The following ADIPOQ variants were observed in gnomAD, a reference collection of about 807,000 sequenced individuals.
ADIPOQ encodes the protein adiponectin, C1Q and collagen domain containing, also known as adiponectin.
ADIPOQ carries 19 observed loss-of-function variants against 16.1 expected under a neutral mutation model. The ratio of observed to expected loss-of-function variants is 1.18; its 90% CI spans 0.82 to 1.73. The LOEUF is 1.73. ADIPOQ is among the 40% of genes most tolerant of loss of function. ADIPOQ has a pLI of 0.00. For synonymous variants in ADIPOQ, 124 were observed against 125.5 expected, an observed-to-expected ratio of 0.99 and a Z score of 0.08; for missense variants, 323 against 308.3, an observed-to-expected ratio of 1.05 and a Z score of -0.36.
chr3:186,852,844 T>C (rs753130591), intron 1 of ADIPOQ: 4 of 583,750 alleles, frequency 6.9e-6, no homozygotes, highest in South Asian at 6.3e-5. Flanking sequence ...ACACAGGGAA[T>C]AATGCTAAGT....
At position 186,854,189 on chromosome 3, in the gene ADIPOQ, A is replaced by C. The variant is rs761276215; in HGVS notation, c.220A>C (p.Ile74Leu). The change falls in exon 3 of 3, where the codon ATT (isoleucine) becomes CTT (leucine). Residue 74 changes from isoleucine (I) to leucine (L), a missense_variant. Physicochemically the swap from Ile to Leu is conservative, Grantham distance 5. Coordinates refer to ENST00000320741, the MANE Select transcript of ADIPOQ (RefSeq NM_004797.4). Reference sequence around the variant, plus strand: ...GAGGTCTTCTCATTCCTTAGGTCTTATTGGTCCTAAGGGAGACATCGGTGA... The same window carrying C: ...GAGGTCTTCTCATTCCTTAGGTCTTCTTGGTCCTAAGGGAGACATCGGTGA... ...EKGEKGDPGL[I>L]GPKGDIGETG... 1 of 1,612,826 alleles carries C rather than the reference A, an allele frequency of 6.2e-7. No individual in the cohort carries two copies. Among genetic ancestry groups the C allele is most frequent in the Non-Finnish European group, 8.5e-7 (1 of 1,179,268 alleles).
rs368546659 is a variant in ADIPOQ, at chr3:186,854,485, G to A, written c.516G>A (p.Lys172=). The A allele has an allele frequency of 3.7e-6, 6 of 1,614,066 alleles. No homozygotes were observed. The African/African-American group carries it at 5.3e-5, about 14-fold the overall frequency. The change falls in exon 3 of 3, where the codon AAG becomes AAA. Residue 172 remains lysine, a synonymous_variant. Coordinates refer to ENST00000320741, the MANE Select transcript of ADIPOQ (RefSeq NM_004797.4). ...TCACAGTCTATATGAAGGATGTGAA[G>A]GTCAGCCTCTTCAAGAAGGACAAGG... The part of the protein sequence containing the change: ...YHITVYMKDV[K]VSLFKKDKAM...
At position 186,854,525 on chromosome 3, in the gene ADIPOQ, T is replaced by A. The variant is rs1207311917; in HGVS notation, c.556T>A (p.Tyr186Asn). ...FKKDKAMLFT[Y>N]DQYQENNVDQ... is the part of the protein sequence containing the mutation. ...GAAGGACAAGGCTATGCTCTTCACC[T>A]ATGATCAGTACCAGGAAAATAATGT... The change falls in exon 3 of 3, where the codon TAT becomes AAT. Residue 186 changes from tyrosine to asparagine, a missense_variant. Coordinates refer to ENST00000320741, the MANE Select transcript of ADIPOQ (RefSeq NM_004797.4). 1 of 1,614,126 alleles carries A rather than the reference T, an allele frequency of 6.2e-7. No homozygotes were observed. Among genetic ancestry groups the A allele is most frequent in the African/African-American group, 1.3e-5 (1 of 74,940 alleles).
rs1427406980 is a variant in ADIPOQ, at chr3:186,856,510, G to C, written c.*1806G>C. 2 of 152,144 alleles carry C rather than the reference G, an allele frequency of 1.3e-5. No homozygotes were observed. Among genetic ancestry groups the C allele is most frequent in the African/African-American group, 2.4e-5 (1 of 41,408 alleles). The allele number at this position is 152,144 out of a possible 1,614,324, so 9.4% of individuals were successfully genotyped here. ...CTCTGTTGCCAGGCTAGAGTGCAGT[G>C]GCATGATCTCGGCTTACTGCAACCT... On this transcript the variant is annotated 3_prime_UTR_variant, in exon 3 of 3. Coordinates refer to ENST00000320741, the MANE Select transcript of ADIPOQ (RefSeq NM_004797.4).
intron 1 of ADIPOQ, among the ~76,000 whole-genome samples, chr3:186,847,372 A>G (rs1711605564): frequency 6.6e-6 from 1 of 152,258 alleles, no homozygotes; most frequent in Non-Finnish European, 1.5e-5. Flanking sequence ...TTTAATTTTA[A>G]TACAGATAAA....
chr3:186,850,868 A>G (rs1407296456), intron 1 of ADIPOQ, among the ~76,000 whole-genome samples: 4 of 151,954 alleles, frequency 2.6e-5, no homozygotes, highest in Admixed American at 1.3e-4. Context: ...GTCATGTCCA[A>G]AGAACTATAT....
At chr3:186,853,011 T>C in intron 1 of ADIPOQ, 40 bp from the exon 2 acceptor site, 1 of 1,607,596 alleles carries the variant, frequency 6.2e-7, no homozygotes, top group Non-Finnish European at 8.5e-7. Context: ...GTGTGTGGGG[T>C]CTGTCTCTCC....
At position 186,854,173 on chromosome 3, in the gene ADIPOQ, T is replaced by C; in HGVS notation, c.215-11T>C. 1.2e-6 allele frequency: 2 copies of C among 1,611,712 alleles called. No individual in the cohort carries two copies. The highest frequency in any genetic ancestry group is 1.7e-6 in the Non-Finnish European group (2 of 1,178,654). ...GTTCTTTGTAGTCACTGAGGTCTTC[T>C]CATTCCTTAGGTCTTATTGGTCCTA... On this transcript the variant is annotated splice_polypyrimidine_tract_variant and intron_variant, in intron 2 of 2. Coordinates refer to ENST00000320741, the MANE Select transcript of ADIPOQ (RefSeq NM_004797.4).
At chr3:186,845,178 G>A (rs1711549963) in intron 1 of ADIPOQ, among the ~76,000 whole-genome samples, 1 of 151,766 alleles carries the variant, frequency 6.6e-6, no homozygotes, top group African/African-American at 2.4e-5. Flanking sequence ...ATAGGTGGAG[G>A]TGTGTGTATG....
intron 1 of ADIPOQ, 73 bp from the exon 2 acceptor site, chr3:186,852,978 C>T: frequency 6.5e-7 from 1 of 1,527,610 alleles, no homozygotes. Context: ...GGACGGAGTC[C>T]TTTGTAGGTC....
At position 186,850,978 on chromosome 3, in the gene ADIPOQ, TG is replaced by T. The variant is rs542711039; in HGVS notation, c.-8-2071del. On this transcript the variant is annotated intron_variant, in intron 1 of 2. Coordinates refer to ENST00000320741, the MANE Select transcript of ADIPOQ (RefSeq NM_004797.4). ...TATATGATAAAGATGAAAGATGAGT[TG>T]GATGTGCCACGTGAAGAGGGTAGTA... Among the ~76,000 whole-genome samples, 669 of 152,166 alleles carry T rather than the reference TG, an allele frequency of 4.4e-3. 2 individuals are homozygous for T. Among genetic ancestry groups the T allele is most frequent in the African/African-American group, 0.016 (648 of 41,532 alleles).
In ADIPOQ at chr3:186,854,372, ATCT is replaced by A. The variant is rs756771535; in HGVS notation, c.407_409del (p.Phe136del). On this transcript the variant is annotated inframe_deletion, in exon 3 of 3. Transcript: ENST00000320741. ...CAACATGCCCATTCGCTTTACCAAG[ATCT>A]TCTACAATCAGCAAAACCACTATGA... 1.2e-5 allele frequency: 20 copies of A among 1,614,060 alleles called. No individual in the cohort carries two copies. The South Asian group carries it at 1.4e-4, about 12-fold the overall frequency.
chr3:186,854,225 C>G lies in ADIPOQ; in HGVS notation c.256C>G (p.Pro86Ala), dbSNP rs371274243. Residue 86 changes from proline to alanine, a missense_variant, in exon 3 of 3, where the codon CCC (proline) becomes GCC (alanine). Coordinates refer to ENST00000320741, the MANE Select transcript of ADIPOQ (RefSeq NM_004797.4). ...PKGDIGETGVPGAEGPRGFPG... is the reference protein window; with the variant it reads ...PKGDIGETGVAGAEGPRGFPG... The stretch of plus-strand genomic sequence containing the variant: ...GGGAGACATCGGTGAAACCGGAGTA[C>G]CCGGGGCTGAAGGTCCCCGAGGCTT... 5.0e-6 allele frequency: 8 copies of G among 1,613,436 alleles called. No individual in the cohort carries two copies. The African/African-American group carries it at 8.0e-5, about 16-fold the overall frequency.
chr3:186,845,189 G>C (rs1410467784), intron 1 of ADIPOQ, among the ~76,000 whole-genome samples: 1 of 151,684 alleles, frequency 6.6e-6, no homozygotes, highest in South Asian at 2.1e-4. Context: ...TGTGTGTATG[G>C]GTGCGGGTAT....
rs201912491 is a variant in ADIPOQ at position 186,854,242 on chromosome 3, C to G, written c.273C>G (p.Pro91=). 3 of 1,613,454 alleles carry G rather than the reference C, an allele frequency of 1.9e-6. No homozygotes were observed. Among genetic ancestry groups the G allele is most frequent in the African/African-American group, 1.3e-5 (1 of 74,892 alleles). Residue 91 remains proline (P), a synonymous_variant, in exon 3 of 3, where the codon CCC becomes CCG. Coordinates refer to ENST00000320741, the MANE Select transcript of ADIPOQ (RefSeq NM_004797.4). ...GETGVPGAEG[P]RGFPGIQGRK... is the part of the protein sequence containing the mutation. Reference sequence around the variant, plus strand: ...CCGGAGTACCCGGGGCTGAAGGTCCCCGAGGCTTTCCGGGAATCCAAGGCA... The same window carrying G: ...CCGGAGTACCCGGGGCTGAAGGTCCGCGAGGCTTTCCGGGAATCCAAGGCA...
chr3:186,845,248 G>A (rs1031681466), intron 1 of ADIPOQ, among the ~76,000 whole-genome samples: 1 of 152,140 alleles, frequency 6.6e-6, no homozygotes, highest in African/African-American at 2.4e-5. Flanking sequence ...AGGGCTGAGT[G>A]AAGGCTTTCG....
intron 1 of ADIPOQ, among the ~76,000 whole-genome samples, chr3:186,843,426 G>A (rs1321017721): frequency 6.6e-6 from 1 of 152,150 alleles, no homozygotes. Context: ...TTGGGAGACC[G>A]AGGCGGGTGG....
intron 1 of ADIPOQ, among the ~76,000 whole-genome samples, chr3:186,843,231 A>C (rs1381423682): frequency 1.3e-5 from 2 of 152,228 alleles, no homozygotes; most frequent in Non-Finnish European, 2.9e-5. Context: ...TATTCTACTC[A>C]GCAAATATTT....
At chr3:186,844,548 C>A (rs1213701958) in intron 1 of ADIPOQ, among the ~76,000 whole-genome samples, 1 of 150,264 alleles carries the variant, frequency 6.7e-6, no homozygotes, top group Non-Finnish European at 1.5e-5. Context: ...AAGACTGGCT[C>A]CTTGTCTTTT....
Sources: gnomAD v4.1 joint callset for allele counts (sites outside exome capture counted in the v4.1 genomes callset) on GRCh38, gnomAD v4.1.1 for gene constraint, MANE v1.5 for transcripts, NCBI Gene and HGNC (gene_info 2026-07-23, HGNC 2026-07-21) for gene names.